LRP1B: variants seen among roughly 807,000 people sequenced by gnomAD.
LRP1B encodes the protein low-density lipoprotein receptor-related protein 1B.
Under a neutral mutation model 556.6 loss-of-function variants are expected in LRP1B, and 217 were observed. The ratio of observed to expected loss-of-function variants is 0.39; its 90% CI spans 0.35 to 0.44. LRP1B has a LOEUF of 0.44. Ranked by LOEUF, LRP1B falls within the 20% of genes least tolerant of loss-of-function variation. The probability of loss-of-function intolerance (pLI) is 1.00; values close to 1 mark genes in which losing one functional copy is unlikely to be tolerated. For synonymous variants in LRP1B, 2,047 were observed against 1,865.8 expected (o/e 1.10, Z -2.50); for missense variants, 5,053 against 5,620.8 (o/e 0.90, Z 3.23).
intron 6 of LRP1B, chr2:141,208,358 C>T (rs1682374891): frequency 6.6e-6 from 1 of 152,244 alleles, no homozygotes; most frequent in Admixed American, 6.5e-5. Flanking sequence ...TCGATGAGAC[C>T]ATTGCAGCAT....
intron 86 of LRP1B, among the ~76,000 whole-genome samples, chr2:140,253,001 T>A (rs1420995459): frequency 6.6e-6 from 1 of 152,102 alleles, no homozygotes; most frequent in East Asian, 1.9e-4. Flanking sequence ...TAATTTCTAT[T>A]TATTCAATAC....
Position 141,411,486 on chromosome 2 carries a change from GCATCATAAT to G in LRP1B, c.343+68901_343+68909del, listed in dbSNP as rs1690849150. On this transcript the variant is annotated intron_variant, in intron 3 of 90. Transcript: ENST00000389484. ...ATCCCTCTGAAACAGGTATGACATT[GCATCATAAT>G]ATATGAGAATTAGTGTGAAACCAGA... Among the ~76,000 whole-genome samples the G allele has an allele frequency of 2.0e-5, 3 of 152,204 alleles. No homozygotes were observed. The South Asian group carries it at 6.2e-4, about 32-fold the overall frequency.
At chr2:140,695,857 T>C (rs919882177) in intron 41 of LRP1B, among the ~76,000 whole-genome samples, 1 of 152,194 alleles carries the variant, frequency 6.6e-6, no homozygotes. Flanking sequence ...ACTTAATAAA[T>C]ATTGAATTGT....
chr2:141,292,791 G>A (rs1686026402), intron 3 of LRP1B, among the ~76,000 whole-genome samples: 1 of 152,106 alleles, frequency 6.6e-6, no homozygotes, highest in African/African-American at 2.4e-5. Context: ...CAGCTAACAT[G>A]AATCGAAATA....
chr2:141,560,999 A>G (rs1686129098), intron 2 of LRP1B, among the ~76,000 whole-genome samples: 1 of 151,738 alleles, frequency 6.6e-6, no homozygotes, highest in South Asian at 2.1e-4. Context: ...AAAGGTGGGC[A>G]TTTGCAATGC....
intron 20 of LRP1B, among the ~76,000 whole-genome samples, chr2:140,945,406 C>A (rs1462407207): frequency 6.6e-6 from 1 of 151,920 alleles, no homozygotes; most frequent in Admixed American, 6.6e-5. Flanking sequence ...GCCAAAGCAA[C>A]CCTAAGCAAA....
At chr2:141,619,064 G>A (rs767672713) in intron 2 of LRP1B, among the ~76,000 whole-genome samples, 8 of 152,098 alleles carry the variant, frequency 5.3e-5, no homozygotes, top group Admixed American at 6.6e-5. Context: ...ACCTATTAGA[G>A]CCCTATTGAT....
intron 84 of LRP1B, among the ~76,000 whole-genome samples, chr2:140,296,022 A>G (rs1683588208): frequency 6.6e-6 from 1 of 152,160 alleles, no homozygotes; most frequent in African/African-American, 2.4e-5. Context: ...AAAAAATTCA[A>G]TTATTTTGGT....
chr2:140,282,606 C>G (rs1335943189), intron 84 of LRP1B, among the ~76,000 whole-genome samples: 2 of 151,664 alleles, frequency 1.3e-5, no homozygotes, highest in East Asian at 1.9e-4. Flanking sequence ...ACCTACCCAG[C>G]AGTTGGAATA....
chr2:140,580,551 A>G (rs1681720191), intron 43 of LRP1B, among the ~76,000 whole-genome samples: 1 of 152,208 alleles, frequency 6.6e-6, no homozygotes. Context: ...GTAGGGGTGT[A>G]ACAGCCTATT....
intron 32 of LRP1B, among the ~76,000 whole-genome samples, chr2:140,794,200 T>C (rs571934421): frequency 1.3e-5 from 2 of 152,252 alleles, no homozygotes; most frequent in African/African-American, 4.8e-5. Flanking sequence ...GTAAATTATT[T>C]GGAAATATCA....
chr2:141,961,570 C>T lies in LRP1B; in HGVS notation c.83-151169G>A, dbSNP rs140578262. On this transcript the variant is annotated intron_variant, in intron 1 of 90. Coordinates refer to ENST00000389484, the MANE Select transcript of LRP1B (RefSeq NM_018557.3). ...AATTAAAACACATTATTGTCTCTTA[C>T]AACAGTAAGAAAGTGAGATGCATAC... Among the ~76,000 whole-genome samples the T allele has an allele frequency of 5.9e-5, 9 of 151,720 alleles. No homozygotes were observed. In the East Asian group the frequency reaches 1.8e-3, roughly 30 times the overall value.
intron 7 of LRP1B, among the ~76,000 whole-genome samples, chr2:141,179,708 G>A (rs2105168092): frequency 6.6e-6 from 1 of 151,868 alleles, no homozygotes; most frequent in East Asian, 1.9e-4. Flanking sequence ...ATCATCTGGA[G>A]AAGAAACCAA....
At chr2:140,773,723 C>A (rs1689397513) in intron 33 of LRP1B, among the ~76,000 whole-genome samples, 1 of 151,112 alleles carries the variant, frequency 6.6e-6, no homozygotes, top group South Asian at 2.1e-4. Context: ...TTTCATATAT[C>A]CTTTGTTTAG....
intron 41 of LRP1B, among the ~76,000 whole-genome samples, chr2:140,668,228 T>C (rs1685349629): frequency 7.4e-6 from 1 of 135,386 alleles, no homozygotes; most frequent in Non-Finnish European, 1.5e-5. Context: ...GAGAATGGCG[T>C]GAACCCGGGA....
intron 6 of LRP1B, among the ~76,000 whole-genome samples, chr2:141,227,067 C>A (rs563510583): frequency 6.6e-6 from 1 of 152,170 alleles, no homozygotes; most frequent in Admixed American, 6.6e-5. Flanking sequence ...ATATATGTTT[C>A]TAGGTTTGCT....
At chr2:140,836,809 T>C (rs1442940054) in intron 31 of LRP1B, among the ~76,000 whole-genome samples, 1 of 152,182 alleles carries the variant, frequency 6.6e-6, no homozygotes, top group Non-Finnish European at 1.5e-5. Context: ...TCATTACGCA[T>C]TGGGGAGACT....
intron 86 of LRP1B, among the ~76,000 whole-genome samples, chr2:140,266,000 A>G (rs1182775100): frequency 6.6e-6 from 1 of 152,042 alleles, no homozygotes; most frequent in Non-Finnish European, 1.5e-5. Flanking sequence ...TCTGAGGAAC[A>G]TGACTGTGAA....
chr2:141,461,693 A>C (rs1681878946), intron 3 of LRP1B, among the ~76,000 whole-genome samples: 1 of 152,208 alleles, frequency 6.6e-6, no homozygotes, highest in Non-Finnish European at 1.5e-5. Context: ...AAGAACATGA[A>C]AGTAGCATAA....
Sources: allele counts gnomAD v4.1 joint callset (sites outside exome capture counted in the v4.1 genomes callset), GRCh38; gene constraint gnomAD v4.1.1; transcripts MANE v1.5; gene names NCBI Gene and HGNC (gene_info 2026-07-23, HGNC 2026-07-21).